The following ANO3 variants were observed in gnomAD, a reference collection of about 807,000 sequenced individuals.
ANO3 encodes the protein anoctamin 3, also known as anoctamin-3.
In ANO3, 99 loss-of-function variants were observed where a neutral mutation model predicts 144.8. The ratio of observed to expected loss-of-function variants is 0.68; its 90% CI spans 0.58 to 0.81. The LOEUF (loss-of-function observed/expected upper bound fraction) is 0.81, where lower values mean the gene tolerates loss of function less well. Ranked by LOEUF, ANO3 falls within the 30% of genes least tolerant of loss-of-function variation. The pLI is 0.00. For synonymous variants in ANO3, 414 were observed against 392.6 expected (o/e 1.05, Z -0.64); for missense variants, 905 against 1,202.2 (o/e 0.75, Z 3.66).
chr11:26,601,947 G>C lies in ANO3; in HGVS notation c.1836+2233G>C, dbSNP rs576340022. Among the ~76,000 whole-genome samples, 29 of 152,224 alleles carry C rather than the reference G, an allele frequency of 1.9e-4. 1 individual carries two copies. The South Asian group carries it at 4.8e-3, about 25-fold the overall frequency. Reference sequence around the variant, plus strand: ...CTACCCAGGATCTTATAGTCTAGTGGGGAAAGAGAATTGAAGAATTCAGTG... The same window carrying C: ...CTACCCAGGATCTTATAGTCTAGTGCGGAAAGAGAATTGAAGAATTCAGTG... On this transcript the variant is annotated intron_variant, in intron 17 of 26. Transcript: ENST00000256737.
intron 10 of ANO3, among the ~76,000 whole-genome samples, chr11:26,540,963 T>C (rs1324640200): frequency 6.6e-6 from 1 of 152,116 alleles, no homozygotes; most frequent in Non-Finnish European, 1.5e-5. Flanking sequence ...CCCAAAGGAT[T>C]ATAAATCATT....
intron 3 of ANO3, chr11:26,460,004 G>T: frequency 2.6e-6 from 1 of 384,418 alleles, no homozygotes; most frequent in Non-Finnish European, 5.1e-6. Context: ...ACATGTTGAT[G>T]GATGCGCCTC....
intron 1 of ANO3, among the ~76,000 whole-genome samples, chr11:26,288,529 T>C (rs1216026649): frequency 6.6e-6 from 1 of 152,152 alleles, no homozygotes; most frequent in Non-Finnish European, 1.5e-5. Context: ...CAGAAGAGCT[T>C]TCCATTTTAG....
At position 26,642,037 on chromosome 11, in the gene ANO3, A is replaced by G; in HGVS notation, c.2275+8A>G. 6.2e-7 allele frequency: 1 copy of G among 1,609,316 alleles called. No homozygotes were observed. Among genetic ancestry groups the G allele is most frequent in the Non-Finnish European group, 8.5e-7 (1 of 1,178,220 alleles). The stretch of plus-strand genomic sequence containing the variant: ...ATGAGTACTTAGAAATGGGTAAGGA[A>G]AAAAAATCTGCAGGACTATTTGGCC... On this transcript the variant is annotated splice_region_variant and intron_variant, in intron 22 of 26. Transcript: ENST00000256737.
chr11:26,597,415 G>T (rs1442307465), intron 14 of ANO3, among the ~76,000 whole-genome samples: 2 of 152,178 alleles, frequency 1.3e-5, no homozygotes, highest in African/African-American at 2.4e-5. Context: ...AGCCGTGCAG[G>T]AACAACGGCA....
chr11:26,262,041 C>T (rs539020857), intron 1 of ANO3, among the ~76,000 whole-genome samples: 12 of 152,288 alleles, frequency 7.9e-5, no homozygotes, highest in Non-Finnish European at 1.6e-4. Context: ...ATAGCAGGTG[C>T]TACTAATCTC....
At chr11:26,438,592 C>CAAAAAAAAAAAAAAA (rs1227963923) in intron 1 of ANO3, among the ~76,000 whole-genome samples, 2 of 70,278 alleles carry the variant, frequency 2.8e-5, no homozygotes, top group Non-Finnish European at 5.0e-5. Flanking sequence ...ACTAAAAATA[C>CAAAAAAAAAAAAAAA]AAAAAAAAAA....
At chr11:26,623,228 G>C (rs1482416810) in intron 17 of ANO3, among the ~76,000 whole-genome samples, 1 of 152,194 alleles carries the variant, frequency 6.6e-6, no homozygotes, top group Non-Finnish European at 1.5e-5. Context: ...TCACAGCTAA[G>C]ATGAGTCATC....
chr11:26,357,379 A>C (rs1290953755), intron 1 of ANO3, among the ~76,000 whole-genome samples: 1 of 152,186 alleles, frequency 6.6e-6, no homozygotes, highest in Non-Finnish European at 1.5e-5. Flanking sequence ...AAACTCACTC[A>C]CTACATACAA....
At chr11:26,201,767 T>G (rs117219573) in intron 1 of ANO3, among the ~76,000 whole-genome samples, 2,308 of 151,884 alleles carry the variant, frequency 0.015, 38 homozygotes, top group East Asian at 0.098. Flanking sequence ...GTTTTGTTTT[T>G]TTTTTTTTTT....
chr11:26,620,271 T>G (rs1852376929), intron 17 of ANO3, among the ~76,000 whole-genome samples: 1 of 152,168 alleles, frequency 6.6e-6, no homozygotes, highest in Non-Finnish European at 1.5e-5. Context: ...CAACTTTAAC[T>G]AATTTTGTCA....
intron 1 of ANO3, among the ~76,000 whole-genome samples, chr11:26,388,809 TATAA>T (rs1192609504): frequency 1.3e-5 from 2 of 152,122 alleles, no homozygotes; most frequent in East Asian, 3.9e-4. Flanking sequence ...ATTAAGCATG[TATAA>T]ATAAACATAT....
chr11:26,502,016 T>A (rs1861216689), intron 4 of ANO3, among the ~76,000 whole-genome samples: 1 of 152,198 alleles, frequency 6.6e-6, no homozygotes, highest in African/African-American at 2.4e-5. Flanking sequence ...CTTTGTGTTT[T>A]GTAGTGAATT....
At position 26,641,879 on chromosome 11, in the gene ANO3, T is replaced by C; in HGVS notation, c.2142-17T>C. The C allele has an allele frequency of 6.2e-7, 1 of 1,612,244 alleles. No individual in the cohort carries two copies. The highest frequency in any genetic ancestry group is 8.5e-7 in the Non-Finnish European group (1 of 1,179,070). On this transcript the variant is annotated splice_polypyrimidine_tract_variant and intron_variant, in intron 21 of 26. Coordinates refer to ENST00000256737, the MANE Select transcript of ANO3 (RefSeq NM_031418.4). ...TGAATCAGAGCTCAAAAGTCCTTGG[T>C]CTGCTCTGTGATGTAGGTTGATCCA...
chr11:26,200,299 A>T (rs1851667966), intron 1 of ANO3, among the ~76,000 whole-genome samples: 2 of 152,134 alleles, frequency 1.3e-5, no homozygotes, highest in Non-Finnish European at 1.5e-5. Flanking sequence ...TAACATAGGA[A>T]ATATTTTCTC....
At chr11:26,526,713 T>A (rs1465777781) in intron 7 of ANO3, among the ~76,000 whole-genome samples, 1 of 152,098 alleles carries the variant, frequency 6.6e-6, no homozygotes, top group Non-Finnish European at 1.5e-5. Flanking sequence ...AAACTTGAAA[T>A]TAGAATGAAT....
chr11:26,302,440 A>AG (rs1854257080), intron 1 of ANO3, among the ~76,000 whole-genome samples: 1 of 152,184 alleles, frequency 6.6e-6, no homozygotes, highest in East Asian at 1.9e-4. Context: ...GGTTGCAGTG[A>AG]GGTGAGATGG....
intron 3 of ANO3, among the ~76,000 whole-genome samples, chr11:26,456,794 TA>T (rs552563510): frequency 2.0e-3 from 271 of 133,402 alleles, no homozygotes; most frequent in African/African-American, 7.6e-3. Flanking sequence ...ATTGCGGCAC[TA>T]TTCACAATAG....
rs1378291698 is a variant in ANO3, at chr11:26,274,609, C to T, written c.155-35036C>T. ...CTGACATGGTGATATTATGAACATG[C>T]TAGTTTCCCAAACTTTGAACATAAA... On this transcript the variant is annotated intron_variant, in intron 1 of 27. Coordinates refer to the ANO3 transcript ENST00000672621. Among the ~76,000 whole-genome samples the T allele has an allele frequency of 6.6e-5, 10 of 152,048 alleles. No homozygotes were observed. In the East Asian group the frequency reaches 1.7e-3, roughly 26 times the overall value.
Sources: gnomAD v4.1 joint callset for allele counts (sites outside exome capture counted in the v4.1 genomes callset) on GRCh38, gnomAD v4.1.1 for gene constraint, MANE v1.5 for transcripts, NCBI Gene and HGNC (gene_info 2026-07-23, HGNC 2026-07-21) for gene names.